Variants in PCDH15 observed in about 807,000 individuals in gnomAD.
PCDH15 encodes the protein protocadherin-15.
A neutral mutation model predicts 178.5 loss-of-function variants in PCDH15; 129 were observed. The observed-to-expected ratio is 0.72, with a 90% CI of 0.63 to 0.84. The LOEUF (loss-of-function observed/expected upper bound fraction) is 0.84. PCDH15 is among the 40% of genes least tolerant of loss of function. The probability of loss-of-function intolerance (pLI) is 0.00; values close to 1 mark genes in which losing one functional copy is unlikely to be tolerated. For synonymous variants in PCDH15, 800 were observed against 732.0 expected (o/e 1.09, Z -1.50); for missense variants, 2,230 against 2,099.9 (o/e 1.06, Z -1.21).
At chr10:54,779,672 G>T (rs571360808) in intron 1 of PCDH15, among the ~76,000 whole-genome samples, 2 of 151,076 alleles carry the variant, frequency 1.3e-5, no homozygotes, top group East Asian at 4.0e-4. Flanking sequence ...GAGTTAGCAG[G>T]GTGTAAATGA....
chr10:54,107,079 G>A (rs1032023211), intron 15 of PCDH15, among the ~76,000 whole-genome samples: 1 of 151,886 alleles, frequency 6.6e-6, no homozygotes, highest in East Asian at 1.9e-4. Flanking sequence ...GTAACCAAAT[G>A]TTTATACATG....
intron 2 of PCDH15, among the ~76,000 whole-genome samples, chr10:55,624,307 T>TA (rs892612378): frequency 8.6e-5 from 13 of 151,724 alleles, no homozygotes; most frequent in Admixed American, 5.9e-4. Flanking sequence ...AGAGCTTCAA[T>TA]AAAAAAAATT....
chr10:54,734,165 C>G (rs560565929), intron 1 of PCDH15, among the ~76,000 whole-genome samples: 2 of 151,746 alleles, frequency 1.3e-5, no homozygotes, highest in Admixed American at 6.6e-5. Flanking sequence ...ATGTATTTGT[C>G]AATCCCCTAT....
intron 2 of PCDH15, among the ~76,000 whole-genome samples, chr10:54,555,355 T>G (rs2087080902): frequency 6.6e-6 from 1 of 152,156 alleles, no homozygotes; most frequent in African/African-American, 2.4e-5. Flanking sequence ...CTTCCCCTCA[T>G]TTAATAGGTA....
intron 2 of PCDH15, among the ~76,000 whole-genome samples, chr10:55,430,867 T>G (rs1838865542): frequency 6.6e-6 from 1 of 152,162 alleles, no homozygotes; most frequent in African/African-American, 2.4e-5. Context: ...CTACCCAGTT[T>G]ATGTATAGAA....
intron 2 of PCDH15, among the ~76,000 whole-genome samples, chr10:54,536,890 A>T (rs1374773707): frequency 6.6e-6 from 1 of 151,796 alleles, no homozygotes; most frequent in Non-Finnish European, 1.5e-5. Flanking sequence ...CCTTTATCCA[A>T]TTCACTGTTG....
chr10:54,901,544 A>T (rs1954640245), intron 2 of PCDH15, among the ~76,000 whole-genome samples: 1 of 152,192 alleles, frequency 6.6e-6, no homozygotes, highest in Non-Finnish European at 1.5e-5. Context: ...TGACATACAC[A>T]CATATATTTA....
chr10:54,948,146 G>A (rs115258081), intron 2 of PCDH15, among the ~76,000 whole-genome samples: 4,007 of 152,016 alleles, frequency 0.026, 167 homozygotes, highest in African/African-American at 0.089. Context: ...CAACCAGGAT[G>A]TAGCATATGC....
intron 2 of PCDH15, among the ~76,000 whole-genome samples, chr10:55,490,563 T>C (rs1299401614): frequency 1.3e-5 from 2 of 151,848 alleles, no homozygotes; most frequent in East Asian, 3.9e-4. Context: ...GCCACATATT[T>C]GTAGTGGAGC....
At chr10:54,502,518 G>T (rs2080787580) in intron 3 of PCDH15, among the ~76,000 whole-genome samples, 2 of 152,098 alleles carry the variant, frequency 1.3e-5, no homozygotes, top group South Asian at 2.1e-4. Context: ...GCCCTCTAAA[G>T]TACTATATAT....
chr10:53,999,635 G>T (rs1201750515), intron 20 of PCDH15, among the ~76,000 whole-genome samples: 1 of 152,098 alleles, frequency 6.6e-6, no homozygotes, highest in Non-Finnish European at 1.5e-5. Flanking sequence ...ACAGGGTAAG[G>T]CTCCTCTGCT....
chr10:53,964,413 T>TAAATTTTATTTATTCATAAAATTTTTATA (rs1224109166), intron 21 of PCDH15, among the ~76,000 whole-genome samples: 1,970 of 144,408 alleles, frequency 0.014, 21 homozygotes, highest in Non-Finnish European at 0.022. Context: ...AAAATTTTTA[T>TAAATTTTATTTATTCATAAAATTTTTATA]AAATTTTATT....
At chr10:54,456,412 G>C (rs1046473918) in intron 3 of PCDH15, among the ~76,000 whole-genome samples, 4 of 152,040 alleles carry the variant, frequency 2.6e-5, no homozygotes, top group African/African-American at 9.7e-5. Flanking sequence ...GGGCTTGAAT[G>C]GGGCCTGAAG....
chr10:54,999,162 T>C (rs1200346888), intron 2 of PCDH15, among the ~76,000 whole-genome samples: 1 of 152,170 alleles, frequency 6.6e-6, no homozygotes, highest in Admixed American at 6.5e-5. Flanking sequence ...TTGTTCTGTT[T>C]ATCAAAAGTC....
chr10:54,033,221 C>T (rs1271665609), intron 18 of PCDH15, among the ~76,000 whole-genome samples: 2 of 151,900 alleles, frequency 1.3e-5, no homozygotes, highest in Non-Finnish European at 2.9e-5. Context: ...TAACTTTTAA[C>T]AGTCTATTCT....
In PCDH15 at chr10:54,407,209, T is replaced by A. The variant is rs536030909; in HGVS notation, c.158-28267A>T. ...ATCAGTGGTTGCTTGGGGAAAAGGA[T>A]GGAGAAAATTGATTGGAAAAGAGTA... On this transcript the variant is annotated intron_variant, in intron 3 of 37. Coordinates refer to ENST00000644397, the MANE Select transcript of PCDH15 (RefSeq NM_001384140.1). 2.0e-5 allele frequency among the ~76,000 whole-genome samples: 3 copies of A among 152,164 alleles called. No homozygotes were observed. The East Asian group carries it at 5.8e-4, about 30-fold the overall frequency.
At chr10:54,385,030 G>A (rs1949746657) in intron 3 of PCDH15, among the ~76,000 whole-genome samples, 1 of 152,014 alleles carries the variant, frequency 6.6e-6, no homozygotes, top group African/African-American at 2.4e-5. Context: ...TTCATTTTTT[G>A]AGTTTCTGGT....
chr10:54,986,114 AT>A (rs903990381), intron 2 of PCDH15, among the ~76,000 whole-genome samples: 28 of 149,798 alleles, frequency 1.9e-4, no homozygotes, highest in East Asian at 1.6e-3. Context: ...AATGCCCTGT[AT>A]TTTTTTTTTA....
intron 2 of PCDH15, among the ~76,000 whole-genome samples, chr10:55,528,414 C>T (rs1277305585): frequency 6.6e-6 from 1 of 151,928 alleles, no homozygotes; most frequent in Admixed American, 6.6e-5. Flanking sequence ...GTGTGATGTT[C>T]CCCTTCCTGT....
Sources: allele counts gnomAD v4.1 joint callset (sites outside exome capture counted in the v4.1 genomes callset), GRCh38; gene constraint gnomAD v4.1.1; transcripts MANE v1.5; gene names NCBI Gene and HGNC (gene_info 2026-07-23, HGNC 2026-07-21).